The following CHCT1 variants were observed in gnomAD, a reference collection of about 807,000 sequenced individuals.
CHCT1 encodes the protein CHD1 helical C-terminal domain containing 1, also known as CHD1 helical C-terminal domain containing protein 1.
chr17:60,429,333 C>T, the CHCT1 span: 2 of 1,598,308 alleles, frequency 1.3e-6, no homozygotes, highest in Non-Finnish European at 1.7e-6. Context: ...CTTCTCAACA[C>T]TCTCCTTAAC....
the CHCT1 span, among the ~76,000 whole-genome samples, chr17:60,427,221 C>T: frequency 1.3e-5 from 2 of 152,180 alleles, no homozygotes; most frequent in African/African-American, 4.8e-5. Flanking sequence ...CAGCTCTGAG[C>T]TCATATTTAT....
the CHCT1 span, chr17:60,425,967 C>A: frequency 7.5e-7 from 1 of 1,336,350 alleles, no homozygotes; most frequent in Non-Finnish European, 1.0e-6. Context: ...AGGCCTCAGA[C>A]CCACAGCGCA....
At chr17:60,426,814 C>T in the CHCT1 span, 2 of 1,600,750 alleles carry the variant, frequency 1.2e-6, no homozygotes, top group Middle Eastern at 1.7e-4. Context: ...CGGCCAAGTT[C>T]CTGGTGAGGC....
At chr17:60,427,208 G>T in the CHCT1 span, among the ~76,000 whole-genome samples, 1 of 152,180 alleles carries the variant, frequency 6.6e-6, no homozygotes, top group African/African-American at 2.4e-5. Context: ...AGCAGCACAG[G>T]GGCAGCTCTG....
chr17:60,422,774 G>T, the CHCT1 span: 1 of 974,232 alleles, frequency 1.0e-6, no homozygotes, highest in East Asian at 2.8e-5. Flanking sequence ...GAGGCCTAAA[G>T]CACAAGAACT....
the CHCT1 span, chr17:60,426,645 G>A: frequency 4.5e-6 from 7 of 1,546,730 alleles, no homozygotes; most frequent in Non-Finnish European, 5.2e-6. Flanking sequence ...GGTGGGTCCT[G>A]ACCCTGAGAC....
At chr17:60,426,824 C>G in the CHCT1 span, 1 of 1,595,794 alleles carries the variant, frequency 6.3e-7, no homozygotes, top group African/African-American at 1.3e-5. Context: ...CCTGGTGAGG[C>G]GCAAGACATT....
chr17:60,423,464 A>T, the CHCT1 span, among the ~76,000 whole-genome samples: 1 of 150,618 alleles, frequency 6.6e-6, no homozygotes, highest in South Asian at 2.1e-4. Flanking sequence ...AAATGCTGGG[A>T]TTACAGGTGT....
the CHCT1 span, chr17:60,421,246 CAACA>C: frequency 3.5e-6 from 2 of 567,340 alleles, no homozygotes; most frequent in Non-Finnish European, 4.5e-6. Context: ...CCTCCCCTTA[CAACA>C]ACAACAACGA....
At chr17:60,426,825 G>A in the CHCT1 span, 72 of 1,594,302 alleles carry the variant, frequency 4.5e-5, no homozygotes, top group African/African-American at 6.6e-4. Context: ...CTGGTGAGGC[G>A]CAAGACATTC....
At chr17:60,431,071 G>A in the CHCT1 span, 1 of 715,726 alleles carries the variant, frequency 1.4e-6, no homozygotes, top group Non-Finnish European at 2.3e-6. Flanking sequence ...AGTAAGATAG[G>A]ATTTTGCTAT....
chr17:60,430,122 C>CCTTTTTTTT, the CHCT1 span, among the ~76,000 whole-genome samples: 3 of 64,316 alleles, frequency 4.7e-5, 1 homozygote, highest in Admixed American at 2.1e-4. Context: ...ACGCACCTGG[C>CCTTTTTTTT]TTTTTTTTTT....
the CHCT1 span, chr17:60,431,333 A>T: frequency 8.9e-7 from 1 of 1,121,346 alleles, no homozygotes; most frequent in Non-Finnish European, 1.3e-6. Context: ...GAGACCAAAA[A>T]GGGAAAAGAA....
chr17:60,421,312 A>T, the CHCT1 span: 1 of 939,240 alleles, frequency 1.1e-6, no homozygotes, highest in Non-Finnish European at 1.3e-6. Context: ...AGGACAAGTT[A>T]AAAAGTTTCT....
At chr17:60,426,793 G>A in the CHCT1 span, 3 of 1,608,116 alleles carry the variant, frequency 1.9e-6, no homozygotes, top group Admixed American at 5.1e-5. Flanking sequence ...AGTACACCAA[G>A]AGCAGCCAGC....
the CHCT1 span, chr17:60,426,587 T>G: frequency 9.9e-7 from 1 of 1,010,812 alleles, no homozygotes; most frequent in Non-Finnish European, 1.4e-6. Flanking sequence ...CACCCCTCCA[T>G]TCCCCCAACC....
At chr17:60,428,192 G>T in the CHCT1 span, among the ~76,000 whole-genome samples, 3 of 152,150 alleles carry the variant, frequency 2.0e-5, no homozygotes, top group Admixed American at 6.5e-5. Flanking sequence ...TTTATTGTCT[G>T]CAGTGTGTAA....
the CHCT1 span, chr17:60,425,692 C>A: frequency 1.1e-6 from 1 of 930,182 alleles, no homozygotes; most frequent in South Asian, 1.5e-5. Flanking sequence ...TGGAGAAGGG[C>A]TTTGGCTGCC....
At chr17:60,431,108 C>A in the CHCT1 span, 5 of 1,038,938 alleles carry the variant, frequency 4.8e-6, no homozygotes, top group South Asian at 5.8e-5. Flanking sequence ...TACAACACCC[C>A]CCATGTATTA....
Sources: allele counts gnomAD v4.1 joint callset (sites outside exome capture counted in the v4.1 genomes callset), GRCh38; gene constraint gnomAD v4.1.1; transcripts MANE v1.5; gene names NCBI Gene and HGNC (gene_info 2026-07-23, HGNC 2026-07-21).